Variants in TXNRD1 observed in about 807,000 individuals in gnomAD.
The protein encoded by TXNRD1 is thioredoxin reductase 1, also known as thioredoxin reductase 1, cytoplasmic.
In TXNRD1, 57 loss-of-function variants were observed where a neutral mutation model predicts 80.3. The ratio of observed to expected loss-of-function variants is 0.71; its 90% CI spans 0.57 to 0.89. The LOEUF is 0.89. Ranked by LOEUF, TXNRD1 falls within the 40% of genes least tolerant of loss-of-function variation. The pLI is 0.00. For missense variants in TXNRD1, 730 were observed against 803.0 expected, an observed-to-expected ratio of 0.91 and a Z score of 1.10; for synonymous variants, 291 against 285.2, an observed-to-expected ratio of 1.02 and a Z score of -0.20.
intron 16 of TXNRD1, chr12:104,345,883 C>G: frequency 3.8e-6 from 4 of 1,058,186 alleles, no homozygotes; most frequent in Non-Finnish European, 5.1e-6. Context: ...CAGCTCCTGA[C>G]CCTTGTACGA....
chr12:104,256,512 G>T (rs1480138436), intron 2 of TXNRD1, among the ~76,000 whole-genome samples: 2 of 152,212 alleles, frequency 1.3e-5, no homozygotes, highest in Non-Finnish European at 2.9e-5. Flanking sequence ...TGCGTATGGT[G>T]GCTCATGCCT....
intron 1 of TXNRD1, among the ~76,000 whole-genome samples, chr12:104,231,203 T>C (rs911722884): frequency 2.0e-5 from 3 of 152,114 alleles, no homozygotes; most frequent in Non-Finnish European, 4.4e-5. Flanking sequence ...CCTATAACAT[T>C]CTCCCCTGTG....
intron 8 of TXNRD1, among the ~76,000 whole-genome samples, 181 bp from the exon 9 acceptor site, chr12:104,319,289 A>ACTTTGTG (rs1555215770): frequency 6.6e-6 from 1 of 152,160 alleles, no homozygotes; most frequent in Non-Finnish European, 1.5e-5. Flanking sequence ...AGCACTTACT[A>ACTTTGTG]ACATTGTGAC....
intron 2 of TXNRD1, among the ~76,000 whole-genome samples, chr12:104,252,107 T>C (rs1185476449): frequency 6.6e-6 from 1 of 151,568 alleles, no homozygotes; most frequent in African/African-American, 2.4e-5. Flanking sequence ...AGGTGTAACT[T>C]GCTTCAGAGT....
chr12:104,311,501 G>C, intron 5 of TXNRD1, 89 bp downstream of exon 5: 1 of 1,484,086 alleles, frequency 6.7e-7, no homozygotes, highest in Non-Finnish European at 9.0e-7. Flanking sequence ...TCTCTCTGTG[G>C]AATTTATTTG....
At chr12:104,259,906 T>C (rs1193879975) in intron 3 of TXNRD1, among the ~76,000 whole-genome samples, 4 of 152,198 alleles carry the variant, frequency 2.6e-5, no homozygotes, top group Non-Finnish European at 1.5e-5. Context: ...CTACCATATA[T>C]AGAGTGTTAG....
At chr12:104,245,693 T>A (rs1325848828) in intron 1 of TXNRD1, among the ~76,000 whole-genome samples, 1 of 150,200 alleles carries the variant, frequency 6.7e-6, no homozygotes, top group African/African-American at 2.4e-5. Flanking sequence ...GAGTAGTTTT[T>A]GACCCACACT....
chr12:104,305,899 A>T (rs902676563), intron 4 of TXNRD1, among the ~76,000 whole-genome samples: 1 of 151,694 alleles, frequency 6.6e-6, no homozygotes, highest in Non-Finnish European at 1.5e-5. Flanking sequence ...TTAATTTTGC[A>T]TTTCTATCTT....
chr12:104,342,666 A>T (rs997538359), intron 16 of TXNRD1, among the ~76,000 whole-genome samples: 7 of 152,182 alleles, frequency 4.6e-5, no homozygotes, highest in East Asian at 1.9e-4. Context: ...TTTATTTTTT[A>T]TTTTTTTGTA....
intron 3 of TXNRD1, chr12:104,288,713 C>G: frequency 3.6e-6 from 5 of 1,407,932 alleles, no homozygotes; most frequent in Non-Finnish European, 4.7e-6. Flanking sequence ...GCCATGTTTT[C>G]AGCCAGTGTG....
chr12:104,264,759 G>A (rs2033438890), intron 3 of TXNRD1, among the ~76,000 whole-genome samples: 1 of 152,014 alleles, frequency 6.6e-6, no homozygotes, highest in Non-Finnish European at 1.5e-5. Context: ...TTGCTATTGT[G>A]GAATAATAGG....
At chr12:104,274,736 TAAG>T (rs2033721531) in intron 3 of TXNRD1, among the ~76,000 whole-genome samples, 1 of 151,578 alleles carries the variant, frequency 6.6e-6, no homozygotes, top group Admixed American at 6.6e-5. Context: ...ATAATAATAA[TAAG>T]CTATATGGCA....
chr12:104,308,631 T>C (rs893574652), intron 4 of TXNRD1, among the ~76,000 whole-genome samples: 24 of 152,128 alleles, frequency 1.6e-4, no homozygotes, highest in African/African-American at 5.6e-4. Context: ...TGTTTAAGAT[T>C]GTAAAGGAGT....
chr12:104,337,377 T>C (rs962247620), intron 15 of TXNRD1, among the ~76,000 whole-genome samples: 7 of 152,042 alleles, frequency 4.6e-5, no homozygotes, highest in Admixed American at 3.3e-4. Flanking sequence ...TCATCTGTTA[T>C]GACGAGATTG....
At chr12:104,215,947 TC>T (rs1483661373) in intron 1 of TXNRD1, 54 bp downstream of exon 1, 2 of 1,477,156 alleles carry the variant, frequency 1.4e-6, no homozygotes, top group Non-Finnish European at 1.8e-6. Flanking sequence ...AAGCGGGCCT[TC>T]CGGCCGGGGT....
intron 3 of TXNRD1, among the ~76,000 whole-genome samples, chr12:104,269,401 T>TTC (rs201526594): frequency 0.21 from 20,453 of 98,328 alleles, 1,226 homozygotes; most frequent in Middle Eastern, 0.3. Context: ...GTTTCTTTCT[T>TTC]TTTTTTTTTT....
At chr12:104,225,695 A>G (rs1037620459) in intron 1 of TXNRD1, among the ~76,000 whole-genome samples, 4 of 150,318 alleles carry the variant, frequency 2.7e-5, no homozygotes, top group Non-Finnish European at 5.9e-5. Context: ...GCCATGCAGA[A>G]CTATGAATCA....
chr12:104,263,008 C>T (rs2135714724), intron 3 of TXNRD1, among the ~76,000 whole-genome samples: 1 of 152,226 alleles, frequency 6.6e-6, no homozygotes, highest in Admixed American at 6.5e-5. Context: ...TTTGGCCAGT[C>T]TACATAAATT....
intron 3 of TXNRD1, among the ~76,000 whole-genome samples, chr12:104,275,425 C>A (rs1319156343): frequency 6.6e-6 from 1 of 152,178 alleles, no homozygotes; most frequent in Non-Finnish European, 1.5e-5. Flanking sequence ...ATGTGCTACT[C>A]CAGGCTGGAG....
Sources: allele counts gnomAD v4.1 joint callset (sites outside exome capture counted in the v4.1 genomes callset), GRCh38; gene constraint gnomAD v4.1.1; transcripts MANE v1.5; gene names NCBI Gene and HGNC (gene_info 2026-07-23, HGNC 2026-07-21).